The following SEMA5B variants were observed in gnomAD, a reference collection of about 807,000 sequenced individuals.
SEMA5B encodes the protein semaphorin 5B.
In SEMA5B, 66 loss-of-function variants were observed where a neutral mutation model predicts 135.0. That is an observed-to-expected ratio of 0.49 (90% CI 0.40 to 0.60). The LOEUF (loss-of-function observed/expected upper bound fraction) is 0.60. Ranked by LOEUF, SEMA5B falls within the 20% of genes least tolerant of loss-of-function variation. The pLI, the probability that SEMA5B is intolerant of heterozygous loss-of-function variation, is 0.00. For missense variants in SEMA5B, 1,501 were observed against 1,566.3 expected (o/e 0.96, Z 0.70); for synonymous variants, 690 against 639.5 (o/e 1.08, Z -1.19).
At position 122,929,044 on chromosome 3, in the gene SEMA5B, G is replaced by A. The variant is rs750630176; in HGVS notation, c.489C>T (p.Ala163=). Reference sequence around the variant, plus strand: ...AGGAGCGGCGCGTGTCCTCACTGGAGGCCCACTCTGTGGCCTGGGGGAGGA... The same window carrying A: ...AGGAGCGGCGCGTGTCCTCACTGGAAGCCCACTCTGTGGCCTGGGGGAGGA... ...NVSLLQATEW[A]SSEDTRRSCQ... Residue 163 remains alanine, a synonymous_variant, in exon 6 of 23, where the codon GCC becomes GCT. Transcript: ENST00000357599. The A allele has an allele frequency of 6.8e-6, 11 of 1,611,860 alleles. No homozygotes were observed. The South Asian group carries it at 9.9e-5, about 14-fold the overall frequency.
chr3:122,910,072 C>A lies in SEMA5B; in HGVS notation c.*71G>T, dbSNP rs916820997. ...GTGCAGAGGGAGAAAACCAAACTGGCTCCACTGTCCCATCTCCATCTGCTC... is the reference window on the plus strand; with the variant it reads ...GTGCAGAGGGAGAAAACCAAACTGGATCCACTGTCCCATCTCCATCTGCTC... On this transcript the variant is annotated 3_prime_UTR_variant, in exon 23 of 23. Coordinates refer to ENST00000357599, the MANE Select transcript of SEMA5B (RefSeq NM_001031702.4). The A allele has an allele frequency of 4.6e-6, 7 of 1,525,992 alleles. No individual in the cohort carries two copies. The highest frequency in any genetic ancestry group is 6.2e-6 in the Non-Finnish European group (7 of 1,128,094). 94.5% of individuals were successfully genotyped at this position (1,525,992 alleles called of 1,614,324 possible). A position where few individuals can be genotyped will look rare whatever the true frequency, so the allele number is the denominator to read the frequency against.
At chr3:123,011,419 G>A (rs919272842) in intron 1 of SEMA5B, among the ~76,000 whole-genome samples, 4 of 152,194 alleles carry the variant, frequency 2.6e-5, no homozygotes, top group African/African-American at 9.7e-5. Context: ...TGGGGCAGCC[G>A]GGGCTCGTCC....
chr3:122,969,679 C>T (rs1452740024), intron 1 of SEMA5B, among the ~76,000 whole-genome samples: 1 of 152,216 alleles, frequency 6.6e-6, no homozygotes, highest in Non-Finnish European at 1.5e-5. Context: ...CTGTGTCCCA[C>T]TCACTGCTGC....
chr3:122,962,883 C>T (rs1256531870), intron 1 of SEMA5B, among the ~76,000 whole-genome samples: 2 of 152,092 alleles, frequency 1.3e-5, no homozygotes, highest in Non-Finnish European at 2.9e-5. Flanking sequence ...CCCTTACTCT[C>T]ATTTGACACG....
intron 9 of SEMA5B, among the ~76,000 whole-genome samples, chr3:122,925,182 A>G (rs1938560618): frequency 1.3e-5 from 2 of 150,408 alleles, no homozygotes. Context: ...ACACCACTCC[A>G]TGCCTTATAG....
chr3:122,924,407 G>GC (rs1278585939), intron 9 of SEMA5B, among the ~76,000 whole-genome samples: 1 of 152,098 alleles, frequency 6.6e-6, no homozygotes, highest in African/African-American at 2.4e-5. Context: ...CCTGGTTTCA[G>GC]CCCCCCTCTA....
intron 1 of SEMA5B, among the ~76,000 whole-genome samples, chr3:122,980,593 T>C (rs1167020971): frequency 3.9e-5 from 6 of 152,196 alleles, no homozygotes; most frequent in Non-Finnish European, 7.3e-5. Flanking sequence ...TGGCCAGCCG[T>C]GCTCTTCCTG....
At chr3:122,920,348 G>A (rs902387715) in intron 12 of SEMA5B, among the ~76,000 whole-genome samples, 10 of 152,198 alleles carry the variant, frequency 6.6e-5, no homozygotes, top group Admixed American at 6.5e-5. Context: ...CCCTGGTGGA[G>A]TATAAAAAAT....
chr3:122,935,087 T>C (rs1939189292), intron 5 of SEMA5B, among the ~76,000 whole-genome samples: 1 of 152,066 alleles, frequency 6.6e-6, no homozygotes, highest in Non-Finnish European at 1.5e-5. Flanking sequence ...TGAAATTACG[T>C]GATAAAAAAA....
At chr3:122,937,670 C>T (rs759442910) in intron 5 of SEMA5B, among the ~76,000 whole-genome samples, 4 of 152,144 alleles carry the variant, frequency 2.6e-5, no homozygotes, top group Non-Finnish European at 5.9e-5. Flanking sequence ...TATGGGCTGC[C>T]ATAAGCTACC....
intron 4 of SEMA5B, among the ~76,000 whole-genome samples, chr3:122,942,082 A>G (rs1487591764): frequency 6.6e-6 from 1 of 151,868 alleles, no homozygotes; most frequent in East Asian, 1.9e-4. Flanking sequence ...TTCACCATAT[A>G]CTCCTTTGTA....
chr3:122,954,664 G>A (rs1352052720), intron 2 of SEMA5B, among the ~76,000 whole-genome samples: 5 of 152,220 alleles, frequency 3.3e-5, no homozygotes, highest in African/African-American at 1.2e-4. Flanking sequence ...TAGGAGGAAT[G>A]GTGCCACAGT....
intron 1 of SEMA5B, among the ~76,000 whole-genome samples, chr3:122,977,862 G>C (rs1310755608): frequency 6.6e-6 from 1 of 152,226 alleles, no homozygotes; most frequent in Non-Finnish European, 1.5e-5. Flanking sequence ...CCTCCAGATG[G>C]TTGCGATCCA....
rs549180689 is a variant in SEMA5B, at chr3:122,909,771, A to G, written c.*372T>C. The G allele has an allele frequency of 5.7e-6, 1 of 176,066 alleles. No individual in the cohort carries two copies. The highest frequency in any genetic ancestry group is 1.8e-4 in the South Asian group (1 of 5,452). The allele number at this position is 176,066 out of a possible 1,614,324, so 10.9% of individuals were successfully genotyped here. On this transcript the variant is annotated 3_prime_UTR_variant, in exon 23 of 23. Coordinates refer to ENST00000357599, the MANE Select transcript of SEMA5B (RefSeq NM_001031702.4). ...AGGCCAGACTCAGCTTGTGGGGGCC[A>G]CAGGAAGTTGTCTCCAACCCAAACT...
At chr3:122,939,350 G>A (rs1015377286) in intron 5 of SEMA5B, 75 bp downstream of exon 5, 34 of 1,177,734 alleles carry the variant, frequency 2.9e-5, no homozygotes, top group South Asian at 1.2e-4. Flanking sequence ...TCTGAATGGC[G>A]CCACTTGCGT....
intron 1 of SEMA5B, among the ~76,000 whole-genome samples, chr3:123,007,846 A>G (rs1198455933): frequency 6.6e-6 from 1 of 152,246 alleles, no homozygotes; most frequent in Non-Finnish European, 1.5e-5. Context: ...ACAGAAAATG[A>G]ACTAAGACAG....
At chr3:123,025,301 A>G (rs974079004) in intron 1 of SEMA5B, among the ~76,000 whole-genome samples, 2 of 151,752 alleles carry the variant, frequency 1.3e-5, no homozygotes, top group African/African-American at 4.8e-5. Flanking sequence ...TCCTCTCCTA[A>G]ACCCTTGGGT....
chr3:122,942,228 A>T (rs1939592452), intron 4 of SEMA5B, among the ~76,000 whole-genome samples: 1 of 152,218 alleles, frequency 6.6e-6, no homozygotes, highest in African/African-American at 2.4e-5. Flanking sequence ...GACTTTACAG[A>T]TGAGGAAACT....
chr3:122,982,922 G>A (rs1941567460), intron 1 of SEMA5B, among the ~76,000 whole-genome samples: 1 of 152,216 alleles, frequency 6.6e-6, no homozygotes, highest in African/African-American at 2.4e-5. Flanking sequence ...TCCACCAGCT[G>A]GTCATTCTCT....
Sources: gnomAD v4.1 joint callset for allele counts (sites outside exome capture counted in the v4.1 genomes callset) on GRCh38, gnomAD v4.1.1 for gene constraint, MANE v1.5 for transcripts, NCBI Gene and HGNC (gene_info 2026-07-23, HGNC 2026-07-21) for gene names.